Variants in KLHL6 observed in about 807,000 individuals in gnomAD.
KLHL6 encodes kelch like family member 6.
Under a neutral mutation model 58.6 loss-of-function variants are expected in KLHL6, and 41 were observed. That is an observed-to-expected ratio of 0.70 (90% CI 0.55 to 0.91). The LOEUF is 0.91. Ranked by LOEUF, KLHL6 falls within the 40% of genes least tolerant of loss-of-function variation. The probability of loss-of-function intolerance (pLI) is 0.00; values close to 1 mark genes in which losing one functional copy is unlikely to be tolerated. For missense variants in KLHL6, 714 were observed against 805.6 expected, an observed-to-expected ratio of 0.89 and a Z score of 1.38; for synonymous variants, 338 against 322.7, an observed-to-expected ratio of 1.05 and a Z score of -0.51.
chr3:183,549,391 T>C (rs1356075118), intron 1 of KLHL6, among the ~76,000 whole-genome samples: 1 of 152,204 alleles, frequency 6.6e-6, no homozygotes, highest in Non-Finnish European at 1.5e-5. Flanking sequence ...ACCAATATGA[T>C]AGTAAATATT....
rs116838430 is a variant in KLHL6 at position 183,530,230 on chromosome 3, G to A, written c.294-2220C>T. 5.1e-3 allele frequency among the ~76,000 whole-genome samples: 770 copies of A among 152,292 alleles called. 6 individuals carry two copies. The highest frequency in any genetic ancestry group is 0.018 in the African/African-American group (733 of 41,556). ...CAGCTTTGGAACTGAGTCATGAGTGGAGGTTAGAGGAGTTTTGAGGTAAAA... is the reference window on the plus strand; with the variant it reads ...CAGCTTTGGAACTGAGTCATGAGTGAAGGTTAGAGGAGTTTTGAGGTAAAA... On this transcript the variant is annotated intron_variant, in intron 1 of 6. Transcript: ENST00000341319.
At chr3:183,521,778 CT>C (rs1452617681) in intron 2 of KLHL6, 3 of 149,934 alleles carry the variant, frequency 2.0e-5, no homozygotes, top group Admixed American at 6.7e-5. Flanking sequence ...ACTGCAACCT[CT>C]GCCTCCCGGG....
chr3:183,515,516 C>G (rs903684895), intron 2 of KLHL6, among the ~76,000 whole-genome samples: 2 of 152,170 alleles, frequency 1.3e-5, no homozygotes, highest in Non-Finnish European at 2.9e-5. Context: ...CCACTGTACT[C>G]TAGCCTGGGT....
At chr3:183,505,398 T>C (rs1577180784) in intron 3 of KLHL6, among the ~76,000 whole-genome samples, 1 of 152,222 alleles carries the variant, frequency 6.6e-6, no homozygotes, top group South Asian at 2.1e-4. Context: ...AAGTAGTTTT[T>C]AGGGGGAAAT....
At chr3:183,498,565 G>A (rs1183385837) in intron 4 of KLHL6, among the ~76,000 whole-genome samples, 1 of 152,188 alleles carries the variant, frequency 6.6e-6, no homozygotes, top group Non-Finnish European at 1.5e-5. Flanking sequence ...ATCTCTCTGA[G>A]CCTCTGTTTT....
chr3:183,540,574 CT>C (rs1712519528), intron 1 of KLHL6, among the ~76,000 whole-genome samples: 1 of 152,010 alleles, frequency 6.6e-6, no homozygotes, highest in African/African-American at 2.4e-5. Flanking sequence ...TGTTTGTTTG[CT>C]TGTTGGTTTG....
In KLHL6 at chr3:183,534,087, T is replaced by TTACTTTTAAAGTACTG. The variant is rs1553812530; in HGVS notation, c.294-6078_294-6077insCAGTACTTTAAAAGTA. On this transcript the variant is annotated intron_variant, in intron 1 of 6. Coordinates refer to ENST00000341319, the MANE Select transcript of KLHL6 (RefSeq NM_130446.4). ...GTAATCACCAGCCTTTAAAAGTACT[T>TTACTTTTAAAGTACTG]TACTTTTAAAGTACTTTAAAAGTAC... Among the ~76,000 whole-genome samples the TTACTTTTAAAGTACTG allele has an allele frequency of 1.4e-3, 156 of 108,352 alleles. 3 individuals carry two copies. The highest frequency in any genetic ancestry group is 4.2e-3 in the African/African-American group (140 of 33,508). The allele number at this position is 108,352 out of a possible 152,430, so 71.1% of individuals were successfully genotyped here.
intron 2 of KLHL6, among the ~76,000 whole-genome samples, chr3:183,510,301 C>T (rs1718145080): frequency 7.5e-6 from 1 of 133,618 alleles, no homozygotes; most frequent in Non-Finnish European, 1.6e-5. Flanking sequence ...GGGGGCAAGA[C>T]CTGGTGGGGG....
chr3:183,501,868 G>A (rs62287198), intron 3 of KLHL6, among the ~76,000 whole-genome samples: 61,050 of 152,086 alleles, frequency 0.4, 14,716 homozygotes, highest in Non-Finnish European at 0.53. Flanking sequence ...CCCCCACAAC[G>A]GCCCTTTTCA....
chr3:183,513,407 C>T (rs762420583), intron 2 of KLHL6, among the ~76,000 whole-genome samples: 2 of 152,236 alleles, frequency 1.3e-5, no homozygotes, highest in Non-Finnish European at 2.9e-5. Context: ...TTTCAAGCTG[C>T]TGCAGGTCAC....
Position 183,543,265 on chromosome 3 carries a change from C to T in KLHL6, c.293+12096G>A, listed in dbSNP as rs146687666. Reference sequence around the variant, plus strand: ...TCGCACCACTGCACTCCAGCCTGGGCGACAGAGCGAAACTCCATTTCAAAA... The same window carrying T: ...TCGCACCACTGCACTCCAGCCTGGGTGACAGAGCGAAACTCCATTTCAAAA... On this transcript the variant is annotated intron_variant, in intron 1 of 6. Transcript: ENST00000341319. Among the ~76,000 whole-genome samples the T allele has an allele frequency of 5.0e-3, 733 of 148,020 alleles. 12 individuals carry two copies. The highest frequency in any genetic ancestry group is 0.015 in the African/African-American group (617 of 39,934).
At chr3:183,507,834 T>A (rs1349244855) in intron 3 of KLHL6, among the ~76,000 whole-genome samples, 5 of 152,164 alleles carry the variant, frequency 3.3e-5, no homozygotes, top group Non-Finnish European at 5.9e-5. Context: ...CTGGGTGATT[T>A]CTACATCTCA....
intron 1 of KLHL6, among the ~76,000 whole-genome samples, chr3:183,542,010 A>C (rs967749190): frequency 4.7e-5 from 7 of 148,504 alleles, no homozygotes; most frequent in African/African-American, 1.7e-4. Context: ...ACTTCCCCCT[A>C]CCCTTCCCTG....
chr3:183,542,855 CATGGATGG>C (rs10581731), intron 1 of KLHL6, among the ~76,000 whole-genome samples: 3,619 of 143,096 alleles, frequency 0.025, 62 homozygotes, highest in Admixed American at 0.042. Context: ...TGGATGGATA[CATGGATGG>C]ATGGATGGAT....
chr3:183,508,087 G>C lies in KLHL6; in HGVS notation c.881C>G (p.Ala294Gly), dbSNP rs776376760. The change falls in exon 3 of 7, where the codon GCC becomes GGC. Residue 294 changes from alanine (A) to glycine (G), a missense_variant. Around this residue, in one of 2 missense-constraint regions of KLHL6, gnomAD observed 510 missense variants for 629.7 expected, o/e 0.81. Coordinates refer to ENST00000341319, the MANE Select transcript of KLHL6 (RefSeq NM_130446.4). The part of the protein sequence containing the change: ...CPEVFPLLQE[A>G]RMYHLSGNEI... ...ATTGCCAGAAAGGTGGTACATCCTG[G>C]CTTCCTGGAGCAGCGGGAAGACCTC... The C allele has an allele frequency of 6.2e-7, 1 of 1,614,070 alleles. No homozygotes were observed. Among genetic ancestry groups the C allele is most frequent in the South Asian group, 1.1e-5 (1 of 91,082 alleles).
At chr3:183,540,456 T>C (rs1560109333) in intron 1 of KLHL6, among the ~76,000 whole-genome samples, 2 of 152,200 alleles carry the variant, frequency 1.3e-5, no homozygotes, top group African/African-American at 4.8e-5. Flanking sequence ...CCCTTTATGC[T>C]TGGACCAGTT....
chr3:183,533,978 T>C (rs1220636384), intron 1 of KLHL6, among the ~76,000 whole-genome samples: 1 of 143,480 alleles, frequency 7.0e-6, no homozygotes, highest in Admixed American at 7.1e-5. Flanking sequence ...GCCGTGATGA[T>C]ATCAGAGCAG....
intron 2 of KLHL6, among the ~76,000 whole-genome samples, chr3:183,511,121 T>A (rs1054981674): frequency 6.6e-6 from 1 of 152,098 alleles, no homozygotes; most frequent in African/African-American, 2.4e-5. Context: ...ATTTTCACTA[T>A]CTCAATAAGA....
intron 1 of KLHL6, among the ~76,000 whole-genome samples, chr3:183,530,499 A>G (rs1266551956): frequency 6.6e-6 from 1 of 152,230 alleles, no homozygotes; most frequent in Non-Finnish European, 1.5e-5. Context: ...GCATGGAAGA[A>G]GCAGCTTTGT....
Sources: allele counts gnomAD v4.1 joint callset (sites outside exome capture counted in the v4.1 genomes callset), GRCh38; gene constraint gnomAD v4.1.1; regional missense constraint gnomAD v4.1.1; transcripts MANE v1.5; gene names NCBI Gene and HGNC (gene_info 2026-07-23, HGNC 2026-07-21).